Variants in DISP1 observed in about 807,000 individuals in gnomAD.
The protein encoded by DISP1 is dispatched RND transporter family member 1, also known as protein dispatched homolog 1.
A neutral mutation model predicts 37.3 loss-of-function variants in DISP1; 30 were observed. The ratio of observed to expected loss-of-function variants is 0.80; its 90% CI spans 0.60 to 1.09. DISP1 has a LOEUF of 1.09. Among genes scored for constraint, DISP1 ranks in the 50% least tolerant of loss-of-function variants. DISP1 has a pLI of 0.00. For synonymous variants in DISP1, 634 were observed against 690.2 expected, an observed-to-expected ratio of 0.92 and a Z score of 1.28; for missense variants, 1,598 against 1,879.5, an observed-to-expected ratio of 0.85 and a Z score of 2.77.
intron 1 of DISP1, among the ~76,000 whole-genome samples, chr1:222,820,245 A>G (rs1454680838): frequency 1.3e-5 from 2 of 152,222 alleles, no homozygotes; most frequent in Non-Finnish European, 2.9e-5. Flanking sequence ...CTATTCAGTT[A>G]CATTAGGGGA....
chr1:222,960,911 A>C (rs1676009976), intron 3 of DISP1, among the ~76,000 whole-genome samples: 1 of 152,116 alleles, frequency 6.6e-6, no homozygotes, highest in Admixed American at 6.5e-5. Context: ...CCAAGACTCA[A>C]CCAGGAAGAA....
intron 3 of DISP1, among the ~76,000 whole-genome samples, chr1:222,965,304 T>A (rs1314808279): frequency 6.6e-6 from 1 of 152,224 alleles, no homozygotes; most frequent in African/African-American, 2.4e-5. Flanking sequence ...AATATTGTAA[T>A]ATATGTCAAG....
intron 1 of DISP1, among the ~76,000 whole-genome samples, chr1:222,827,058 C>T (rs1217947994): frequency 1.3e-5 from 2 of 152,152 alleles, no homozygotes; most frequent in East Asian, 1.9e-4. Context: ...TGGTTTCTCA[C>T]AAGACGTTTT....
intron 2 of DISP1, among the ~76,000 whole-genome samples, chr1:222,936,831 A>ATAT (rs1275226318): frequency 2.4e-3 from 56 of 23,054 alleles, no homozygotes; most frequent in South Asian, 0.01. Flanking sequence ...AATATATATA[A>ATAT]ATTATATATA....
At chr1:222,968,140 A>C (rs576852407) in intron 3 of DISP1, among the ~76,000 whole-genome samples, 2 of 152,330 alleles carry the variant, frequency 1.3e-5, no homozygotes, top group African/African-American at 4.8e-5. Flanking sequence ...CACAGCACAC[A>C]TAAAACTTCC....
At chr1:222,983,335 GGGCTAGGTGCAGT>G (rs1162855490) in intron 4 of DISP1, among the ~76,000 whole-genome samples, 1 of 152,114 alleles carries the variant, frequency 6.6e-6, no homozygotes, top group South Asian at 2.1e-4. Flanking sequence ...TTTGTGTCTA[GGGCTAGGTGCAGT>G]GGCTCATGCT....
intron 1 of DISP1, chr1:222,836,937 A>C: frequency 2.5e-6 from 1 of 397,204 alleles, no homozygotes; most frequent in Admixed American, 4.4e-5. Context: ...TATAATACCT[A>C]CCTATGACAG....
At chr1:222,834,012 A>G (rs570783787) in intron 1 of DISP1, among the ~76,000 whole-genome samples, 7 of 152,346 alleles carry the variant, frequency 4.6e-5, no homozygotes, top group African/African-American at 1.4e-4. Context: ...TTGGAGGCAC[A>G]TAGTGTGTCT....
At position 222,854,755 on chromosome 1, in the gene DISP1, T is replaced by A. The variant is rs189329836; in HGVS notation, c.-159+39677T>A. On this transcript the variant is annotated intron_variant, in intron 1 of 8. Coordinates refer to ENST00000675850, the MANE Select transcript of DISP1 (RefSeq NM_001377229.1). ...TTTCAGTGTTTTGCTTTTTTTTTTT[T>A]AATCATAAATGGCAAATATTACGCC... Among the ~76,000 whole-genome samples the A allele has an allele frequency of 4.6e-4, 70 of 152,048 alleles. No homozygotes were observed. In the East Asian group the frequency reaches 4.8e-3, roughly 10 times the overall value.
intron 1 of DISP1, among the ~76,000 whole-genome samples, chr1:222,905,384 C>T (rs1013732075): frequency 2.6e-5 from 4 of 152,062 alleles, no homozygotes; most frequent in African/African-American, 4.8e-5. Flanking sequence ...TAATGAGCCT[C>T]ATTTTCAAAC....
At chr1:222,946,229 A>AT (rs1674763748) in intron 3 of DISP1, among the ~76,000 whole-genome samples, 2 of 149,522 alleles carry the variant, frequency 1.3e-5, no homozygotes, top group African/African-American at 5.0e-5. Flanking sequence ...AAAAAAAAAA[A>AT]AAAAATTAGC....
rs1669167920 is a variant in DISP1, at chr1:222,866,047, G to A, written c.-159+50969G>A. On this transcript the variant is annotated intron_variant, in intron 1 of 8. Coordinates refer to ENST00000675850, the MANE Select transcript of DISP1 (RefSeq NM_001377229.1). ...AACTGGCCACCTCGGGTAACTGAGG[G>A]TCAGTGTTGACCTCAGTAGGTCAAT... is the stretch of plus-strand genomic sequence containing the variant. Among the ~76,000 whole-genome samples, 4 of 152,230 alleles carry A rather than the reference G, an allele frequency of 2.6e-5. No homozygotes were observed. The South Asian group carries it at 8.3e-4, about 32-fold the overall frequency.
chr1:222,999,121 C>T (rs993976291), intron 8 of DISP1, among the ~76,000 whole-genome samples: 1 of 152,052 alleles, frequency 6.6e-6, no homozygotes, highest in Admixed American at 6.6e-5. Flanking sequence ...TTCTTTTTCT[C>T]TCTTCTCTTA....
intron 2 of DISP1, among the ~76,000 whole-genome samples, chr1:222,942,153 T>G (rs1463324164): frequency 1.3e-5 from 2 of 152,120 alleles, no homozygotes; most frequent in East Asian, 3.8e-4. Flanking sequence ...ACCCATAGTA[T>G]TATTTTTCTC....
intron 2 of DISP1, among the ~76,000 whole-genome samples, chr1:222,932,768 C>T (rs1194554971): frequency 1.3e-5 from 2 of 151,840 alleles, no homozygotes; most frequent in Non-Finnish European, 2.9e-5. Flanking sequence ...GTAAATATTA[C>T]ATGGAAAGAT....
rs776835311 is a variant in DISP1 at position 223,005,611 on chromosome 1, C to T, written c.4214C>T (p.Thr1405Met). 20 of 1,608,820 alleles carry T rather than the reference C, an allele frequency of 1.2e-5. No homozygotes were observed. The highest frequency in any genetic ancestry group is 6.7e-5 in the East Asian group (3 of 44,544). ...VCRSTGSLLK[T>M]CCDPENKQRE... ...AGAAGCACTGGATCGTTACTCAAAA[C>T]GTGTTGCGACCCCGAGAATAAACAA... Residue 1405 changes from threonine (T) to methionine (M), a missense_variant, in exon 9 of 9, where the codon ACG becomes ATG. Transcript: ENST00000675850.
chr1:222,852,147 G>A (rs1031667760), intron 1 of DISP1, among the ~76,000 whole-genome samples: 5 of 152,028 alleles, frequency 3.3e-5, no homozygotes, highest in African/African-American at 7.2e-5. Context: ...TCGCGCCATC[G>A]CACTCCAGCC....
intron 3 of DISP1, among the ~76,000 whole-genome samples, chr1:222,976,564 C>T (rs939421758): frequency 3.3e-5 from 5 of 151,868 alleles, no homozygotes; most frequent in Non-Finnish European, 5.9e-5. Context: ...TTTTTCTTTT[C>T]CAACTGATGT....
rs1265313057 is a variant in DISP1 at position 222,893,990 on chromosome 1, C to T, written c.-158-34440C>T. On this transcript the variant is annotated intron_variant, in intron 1 of 8. Coordinates refer to ENST00000675850, the MANE Select transcript of DISP1 (RefSeq NM_001377229.1). This position sits in a 1 kb window ranked among gnomAD's most constrained non-coding sequence, Gnocchi z 4.3. ...GAGACCCGAAGTGGGTAGCTCCCTC[C>T]CGCAGGCAGGTCATCCCTACAAGTT... Among the ~76,000 whole-genome samples, 1 of 152,184 alleles carries T rather than the reference C, an allele frequency of 6.6e-6. No individual in the cohort carries two copies. The highest frequency in any genetic ancestry group is 2.4e-5 in the African/African-American group (1 of 41,436).
Sources: gnomAD v4.1 joint callset for allele counts (sites outside exome capture counted in the v4.1 genomes callset) on GRCh38, gnomAD v4.1.1 for gene constraint, Gnocchi (gnomAD v3.1) non-coding constraint, MANE v1.5 for transcripts, NCBI Gene and HGNC (gene_info 2026-07-23, HGNC 2026-07-21) for gene names.